The following CYP19A1 variants were observed in gnomAD, a reference collection of about 807,000 sequenced individuals.
CYP19A1 encodes the protein cytochrome P450 family 19 subfamily A member 1, also known as aromatase.
CYP19A1 carries 32 observed loss-of-function variants against 44.4 expected under a neutral mutation model. The observed-to-expected ratio is 0.72, with a 90% confidence interval of 0.54 to 0.97. The LOEUF (loss-of-function observed/expected upper bound fraction) is 0.97. Among genes scored for constraint, CYP19A1 ranks in the 50% least tolerant of loss-of-function variants. The pLI is 0.00. For missense variants in CYP19A1, 598 were observed against 637.8 expected, an observed-to-expected ratio of 0.94 and a Z score of 0.67; for synonymous variants, 212 against 215.6, an observed-to-expected ratio of 0.98 and a Z score of 0.14.
At chr15:51,303,593 A>T (rs1163299912) in intron 1 of CYP19A1, among the ~76,000 whole-genome samples, 3 of 151,962 alleles carry the variant, frequency 2.0e-5, no homozygotes, top group Admixed American at 6.6e-5. Context: ...GTCAGTGTCC[A>T]TCTGGGTTTT....
At chr15:51,267,865 A>C (rs894129376) in intron 1 of CYP19A1, among the ~76,000 whole-genome samples, 14 of 152,258 alleles carry the variant, frequency 9.2e-5, no homozygotes, top group Non-Finnish European at 1.5e-4. Flanking sequence ...TGCCCACCCC[A>C]GCTTAGCAGG....
At chr15:51,305,441 C>T (rs1261628555) in intron 1 of CYP19A1, among the ~76,000 whole-genome samples, 1 of 152,024 alleles carries the variant, frequency 6.6e-6, no homozygotes, top group Non-Finnish European at 1.5e-5. Context: ...GCCACAGAGA[C>T]AGGGATGTGG....
At chr15:51,216,096 G>T (rs929424324) in intron 6 of CYP19A1, 25 of 465,544 alleles carry the variant, frequency 5.4e-5, no homozygotes, top group Admixed American at 4.3e-4. Flanking sequence ...ATATCAAAAG[G>T]CTAAATCTAA....
intron 1 of CYP19A1, among the ~76,000 whole-genome samples, chr15:51,270,654 C>T (rs2035090598): frequency 1.3e-5 from 2 of 152,158 alleles, no homozygotes; most frequent in African/African-American, 2.4e-5. Context: ...AGAAGTAGCT[C>T]CATTTTAAAG....
intron 4 of CYP19A1, among the ~76,000 whole-genome samples, chr15:51,224,083 A>G (rs1010482326): frequency 2.6e-5 from 4 of 152,250 alleles, no homozygotes; most frequent in Non-Finnish European, 5.9e-5. Flanking sequence ...GGCAACAATC[A>G]GCAAATACCA....
At chr15:51,256,357 C>T (rs1347962996) in intron 1 of CYP19A1, among the ~76,000 whole-genome samples, 1 of 152,138 alleles carries the variant, frequency 6.6e-6, no homozygotes, top group East Asian at 1.9e-4. Context: ...AAGAAGCTTC[C>T]ATTTCTGCGG....
At chr15:51,227,000 G>A (rs536537511) in intron 4 of CYP19A1, among the ~76,000 whole-genome samples, 1 of 152,130 alleles carries the variant, frequency 6.6e-6, no homozygotes, top group Non-Finnish European at 1.5e-5. Flanking sequence ...TGGGCTGTCA[G>A]TCAAGCACTC....
At chr15:51,225,869 C>A (rs1346818938) in intron 4 of CYP19A1, among the ~76,000 whole-genome samples, 1 of 151,954 alleles carries the variant, frequency 6.6e-6, no homozygotes. Flanking sequence ...GTGGGCAAAT[C>A]ATGAGGTCAG....
intron 1 of CYP19A1, among the ~76,000 whole-genome samples, chr15:51,260,898 T>C (rs2034691192): frequency 6.6e-6 from 1 of 152,172 alleles, no homozygotes; most frequent in Non-Finnish European, 1.5e-5. Flanking sequence ...GTTTTCACTC[T>C]ATTAAATCTT....
intron 4 of CYP19A1, among the ~76,000 whole-genome samples, chr15:51,223,417 G>A (rs749545278): frequency 5.3e-5 from 8 of 151,872 alleles, no homozygotes; most frequent in African/African-American, 7.3e-5. Flanking sequence ...TTTGTGTTAC[G>A]TTTCTTTAAG....
intron 1 of CYP19A1, among the ~76,000 whole-genome samples, chr15:51,328,404 C>A (rs182836456): frequency 8.5e-5 from 13 of 152,324 alleles, no homozygotes; most frequent in Non-Finnish European, 1.6e-4. Context: ...GACATCCCCC[C>A]CTACCCATCC....
At chr15:51,241,426 T>A (rs1331938237) in intron 2 of CYP19A1, among the ~76,000 whole-genome samples, 2 of 152,188 alleles carry the variant, frequency 1.3e-5, no homozygotes, top group African/African-American at 4.8e-5. Flanking sequence ...GCTCACTGGA[T>A]GGGCAATGCT....
chr15:51,295,741 A>C (rs1026315725), intron 1 of CYP19A1, among the ~76,000 whole-genome samples: 30 of 152,174 alleles, frequency 2.0e-4, no homozygotes, highest in African/African-American at 7.2e-4. Flanking sequence ...TGGGCAGATA[A>C]AAGGACATTC....
At chr15:51,278,344 G>GCGTA (rs2035399414) in intron 1 of CYP19A1, among the ~76,000 whole-genome samples, 1 of 152,172 alleles carries the variant, frequency 6.6e-6, no homozygotes, top group South Asian at 2.1e-4. Context: ...AAAGATCTGT[G>GCGTA]CGTACGCTCC....
Position 51,218,521 on chromosome 15 carries a change from T to G in CYP19A1, c.743+20A>C. On this transcript the variant is annotated intron_variant, in intron 6 of 9. Transcript: ENST00000396402. ...CCAATCCAATTGTACTCATAAATCT[T>G]CCAAAGTTGTATTACTTACACAGAC... is the stretch of plus-strand genomic sequence containing the variant. The G allele has an allele frequency of 1.2e-6, 2 of 1,605,388 alleles. No homozygotes were observed. The highest frequency in any genetic ancestry group is 1.7e-6 in the Non-Finnish European group (2 of 1,175,318).
intron 3 of CYP19A1, among the ~76,000 whole-genome samples, chr15:51,231,556 T>G (rs1189584459): frequency 2.0e-5 from 3 of 152,006 alleles, no homozygotes; most frequent in Non-Finnish European, 4.4e-5. Context: ...TAAATCCAAC[T>G]CTTAGCTTAT....
At chr15:51,305,950 C>G (rs908540614) in intron 1 of CYP19A1, among the ~76,000 whole-genome samples, 3 of 151,984 alleles carry the variant, frequency 2.0e-5, no homozygotes, top group African/African-American at 7.3e-5. Context: ...TGTTGAGGAC[C>G]GAAAGGATGC....
At chr15:51,314,767 A>G (rs377267609) in intron 1 of CYP19A1, among the ~76,000 whole-genome samples, 9 of 152,134 alleles carry the variant, frequency 5.9e-5, no homozygotes, top group African/African-American at 2.2e-4. Context: ...CTCAAAACAC[A>G]TGGTCATGCC....
intron 1 of CYP19A1, among the ~76,000 whole-genome samples, chr15:51,286,017 C>T (rs890775947): frequency 1.3e-5 from 2 of 152,164 alleles, no homozygotes; most frequent in African/African-American, 4.8e-5. Flanking sequence ...GCATCTGCGT[C>T]TCCACATGCA....
Sources: allele counts gnomAD v4.1 joint callset (sites outside exome capture counted in the v4.1 genomes callset), GRCh38; gene constraint gnomAD v4.1.1; transcripts MANE v1.5; gene names NCBI Gene and HGNC (gene_info 2026-07-23, HGNC 2026-07-21).